The following NDUFAF6 variants were observed in gnomAD, a reference collection of about 807,000 sequenced individuals.
The protein encoded by NDUFAF6 is NADH dehydrogenase (ubiquinone) complex I, assembly factor 6.
NDUFAF6 carries 45 observed loss-of-function variants against 40.8 expected under a neutral mutation model. The observed-to-expected ratio is 1.10, with a 90% CI of 0.87 to 1.42. The LOEUF is 1.42. Ranked by LOEUF, NDUFAF6 falls within the 40% of genes most tolerant of loss-of-function variation. The probability of loss-of-function intolerance (pLI) is 0.00; values close to 1 mark genes in which losing one functional copy is unlikely to be tolerated. For synonymous variants in NDUFAF6, 185 were observed against 155.9 expected (o/e 1.19, Z -1.39); for missense variants, 435 against 418.5 (o/e 1.04, Z -0.34).
At chr8:95,057,000 G>A (rs188349274) in intron 8 of NDUFAF6, among the ~76,000 whole-genome samples, 4 of 150,524 alleles carry the variant, frequency 2.7e-5, no homozygotes, top group Admixed American at 2.6e-4. Flanking sequence ...AATATTTTTT[G>A]TTTTTGTTCT....
intron 1 of NDUFAF6, chr8:94,927,557 A>T (rs891794873): frequency 1.3e-5 from 2 of 152,202 alleles, no homozygotes; most frequent in Non-Finnish European, 2.9e-5. Flanking sequence ...TCTGCAAAAA[A>T]TTCCCCACCC....
intron 2 of NDUFAF6, among the ~76,000 whole-genome samples, chr8:94,990,878 G>A (rs972541177): frequency 2.6e-5 from 4 of 152,200 alleles, no homozygotes; most frequent in African/African-American, 9.7e-5. Flanking sequence ...TGAACTCCAG[G>A]TTTCCCCATT....
chr8:94,917,971 G>T (rs1348969476), intron 1 of NDUFAF6, among the ~76,000 whole-genome samples: 1 of 152,190 alleles, frequency 6.6e-6, no homozygotes, highest in East Asian at 1.9e-4. Flanking sequence ...ATATTCTGCA[G>T]CACATGTTGC....
chr8:95,054,635 A>T (rs1222372799), intron 8 of NDUFAF6, among the ~76,000 whole-genome samples: 1 of 151,898 alleles, frequency 6.6e-6, no homozygotes, highest in African/African-American at 2.4e-5. Context: ...GGGTTTCCCC[A>T]TGTTGGCCAG....
chr8:94,999,699 G>A (rs1826628498), intron 2 of NDUFAF6, among the ~76,000 whole-genome samples: 1 of 152,142 alleles, frequency 6.6e-6, no homozygotes, highest in South Asian at 2.1e-4. Flanking sequence ...TTACAGGCGT[G>A]AGCCACCACA....
intron 1 of NDUFAF6, among the ~76,000 whole-genome samples, chr8:94,966,228 CAG>C (rs1406129868): frequency 1.3e-5 from 2 of 152,166 alleles, no homozygotes; most frequent in Non-Finnish European, 2.9e-5. Context: ...AAAGAGAAGA[CAG>C]GGACGGACCC....
At chr8:94,923,805 A>G (rs2459963) in intron 1 of NDUFAF6, among the ~76,000 whole-genome samples, 116,333 of 149,700 alleles carry the variant, frequency 0.78, 46,562 homozygotes, top group East Asian at 0.89. Context: ...TCAGCCTCCC[A>G]AGTGGCTGGG....
downstream of NDUFAF6, among the ~76,000 whole-genome samples, chr8:95,076,667 A>G (rs1283483757): frequency 6.6e-6 from 1 of 152,160 alleles, no homozygotes; most frequent in Non-Finnish European, 1.5e-5. Context: ...TGAGGTCGGG[A>G]GTTCGAGACC....
chr8:95,046,480 C>T (rs1354643665), intron 5 of NDUFAF6, among the ~76,000 whole-genome samples: 1 of 152,028 alleles, frequency 6.6e-6, no homozygotes, highest in East Asian at 1.9e-4. Context: ...ATTATTTGGG[C>T]CAAGGACAAT....
chr8:94,930,422 C>A, intron 1 of NDUFAF6: 2 of 1,600,234 alleles, frequency 1.2e-6, no homozygotes, highest in Middle Eastern at 3.3e-4. Flanking sequence ...TACATATACA[C>A]ACATCCATAC....
intron 2 of NDUFAF6, among the ~76,000 whole-genome samples, chr8:94,982,861 C>T (rs932693227): frequency 5.9e-5 from 9 of 152,258 alleles, no homozygotes; most frequent in Non-Finnish European, 2.9e-5. Context: ...CTGTATCTCT[C>T]TTTAACTTCC....
At chr8:95,101,755 G>C (rs113923353) in intron 2 of NDUFAF6, among the ~76,000 whole-genome samples, 5 of 152,176 alleles carry the variant, frequency 3.3e-5, no homozygotes, top group African/African-American at 9.6e-5. Context: ...CTGTAATCAG[G>C]ATTCTTCAAT....
intron 1 of NDUFAF6, among the ~76,000 whole-genome samples, chr8:94,958,432 G>C (rs190594069): frequency 2.7e-5 from 4 of 149,386 alleles, no homozygotes; most frequent in Non-Finnish European, 5.9e-5. Context: ...TCCTCTTCTC[G>C]TAAGGACACT....
intron 1 of NDUFAF6, among the ~76,000 whole-genome samples, chr8:94,973,855 TAAA>T (rs754972680): frequency 4.7e-4 from 59 of 125,292 alleles, no homozygotes; most frequent in Non-Finnish European, 6.6e-4. Context: ...CCCCTGTCTC[TAAA>T]AAAAAAAAAA....
At chr8:94,997,614 T>TTATTAAAAGGATTCACAGGGCTACC in intron 2 of NDUFAF6, among the ~76,000 whole-genome samples, 1 of 152,214 alleles carries the variant, frequency 6.6e-6, no homozygotes, top group Admixed American at 6.5e-5. Flanking sequence ...ATTAGCTGTC[T>TTATTAAAAGGATTCACAGGGCTACC]TATTAAAAGG....
At chr8:95,036,811 C>T (rs541361602) in intron 3 of NDUFAF6, among the ~76,000 whole-genome samples, 1 of 152,276 alleles carries the variant, frequency 6.6e-6, no homozygotes, top group East Asian at 1.9e-4. Flanking sequence ...CTAAATTGTC[C>T]GATTTTAATA....
chr8:94,930,558 G>A, intron 1 of NDUFAF6: 1 of 1,614,232 alleles, frequency 6.2e-7, no homozygotes, highest in East Asian at 2.2e-5. Flanking sequence ...GCAATCCCTG[G>A]TAAGATTTTG....
chr8:95,038,982 T>TG (rs1239268042), intron 3 of NDUFAF6, among the ~76,000 whole-genome samples: 2 of 148,818 alleles, frequency 1.3e-5, no homozygotes, highest in African/African-American at 4.9e-5. Flanking sequence ...TTTTTGTGTT[T>TG]GTTTTTTTTT....
intron 1 of NDUFAF6, chr8:94,896,637 C>T (rs1294302421): frequency 6.6e-6 from 1 of 151,970 alleles, no homozygotes; most frequent in Non-Finnish European, 1.5e-5. Context: ...CTGAGCGAGC[C>T]GGACGGCGAG....
Sources: gnomAD v4.1 joint callset for allele counts (sites outside exome capture counted in the v4.1 genomes callset) on GRCh38, gnomAD v4.1.1 for gene constraint, MANE v1.5 for transcripts, NCBI Gene and HGNC (gene_info 2026-07-23, HGNC 2026-07-21) for gene names.